XKR4: variants seen among roughly 807,000 people sequenced by gnomAD.
XKR4 encodes the protein XK-related protein 4.
In XKR4, 12 loss-of-function variants were observed where a neutral mutation model predicts 53.9. That is an observed-to-expected ratio of 0.22 (90% CI 0.14 to 0.36). XKR4 has a LOEUF of 0.36. Ranked by LOEUF, XKR4 falls within the 10% of genes least tolerant of loss-of-function variation. The probability of loss-of-function intolerance (pLI) is 1.00; values close to 1 mark genes in which losing one functional copy is unlikely to be tolerated. For synonymous variants in XKR4, 354 were observed against 362.4 expected (o/e 0.98, Z 0.26); for missense variants, 799 against 859.5 (o/e 0.93, Z 0.88).
chr8:55,378,583 A>G (rs2129387181), intron 2 of XKR4, among the ~76,000 whole-genome samples: 1 of 152,362 alleles, frequency 6.6e-6, no homozygotes, highest in East Asian at 1.9e-4. Flanking sequence ...AAGAAGTTTC[A>G]TAGACATTGG....
intron 2 of XKR4, among the ~76,000 whole-genome samples, chr8:55,425,949 G>A (rs947902230): frequency 6.6e-6 from 1 of 152,100 alleles, no homozygotes; most frequent in African/African-American, 2.4e-5. Flanking sequence ...AGTCTAGCAC[G>A]GGGGCTCTCA....
chr8:55,173,204 C>T (rs934599855), intron 1 of XKR4, among the ~76,000 whole-genome samples: 2 of 152,142 alleles, frequency 1.3e-5, no homozygotes, highest in Admixed American at 1.3e-4. Context: ...CTTGGCAGGC[C>T]CCCTTTCCAG....
At chr8:55,301,299 T>A (rs1169763139) in intron 1 of XKR4, among the ~76,000 whole-genome samples, 1 of 151,998 alleles carries the variant, frequency 6.6e-6, no homozygotes, top group Non-Finnish European at 1.5e-5. Flanking sequence ...TCCAGCTTCA[T>A]CCATGTCCCT....
At chr8:55,172,947 CCT>C (rs1293927992) in intron 1 of XKR4, among the ~76,000 whole-genome samples, 1 of 152,150 alleles carries the variant, frequency 6.6e-6, no homozygotes, top group Non-Finnish European at 1.5e-5. Context: ...GTTTTCTTTT[CCT>C]CTGACTGTAG....
In XKR4 at chr8:55,110,602, G is replaced by T. The variant is rs112100743; in HGVS notation, c.806+7308G>T. ...CCCCAGCTCTTTTTTTAGATTACTA[G>T]TGTTGGGAAAATAGGGGTAAATTTT... On this transcript the variant is annotated intron_variant, in intron 1 of 2. Transcript: ENST00000327381. 4.0e-3 allele frequency among the ~76,000 whole-genome samples: 610 copies of T among 152,262 alleles called. 3 individuals carry two copies. The highest frequency in any genetic ancestry group is 0.014 in the African/African-American group (592 of 41,540).
At chr8:55,227,785 G>A (rs1191107991) in intron 1 of XKR4, among the ~76,000 whole-genome samples, 2 of 152,236 alleles carry the variant, frequency 1.3e-5, no homozygotes, top group Non-Finnish European at 2.9e-5. Flanking sequence ...GACATTCAAT[G>A]CAGCCCAGGG....
intron 1 of XKR4, among the ~76,000 whole-genome samples, chr8:55,349,280 T>C (rs1803693259): frequency 6.6e-6 from 1 of 152,176 alleles, no homozygotes; most frequent in African/African-American, 2.4e-5. Context: ...CTATTGTCTC[T>C]CAGCAAAAAA....
chr8:55,404,147 C>T (rs547810593), intron 2 of XKR4, among the ~76,000 whole-genome samples: 3 of 152,052 alleles, frequency 2.0e-5, no homozygotes, highest in African/African-American at 7.2e-5. Flanking sequence ...ATTCAAAATA[C>T]GAACACTGTT....
intron 1 of XKR4, among the ~76,000 whole-genome samples, chr8:55,120,988 C>T (rs983848143): frequency 1.3e-5 from 2 of 152,146 alleles, no homozygotes; most frequent in Non-Finnish European, 2.9e-5. Context: ...TGCAGATTGT[C>T]TTCTTTCACT....
intron 2 of XKR4, among the ~76,000 whole-genome samples, chr8:55,469,797 A>C (rs887624430): frequency 1.2e-4 from 18 of 152,236 alleles, no homozygotes; most frequent in African/African-American, 3.6e-4. Flanking sequence ...TCTTGTACTA[A>C]AGATTTGAAT....
chr8:55,463,768 A>G (rs1687228487), intron 2 of XKR4, among the ~76,000 whole-genome samples: 2 of 152,098 alleles, frequency 1.3e-5, no homozygotes, highest in South Asian at 2.1e-4. Flanking sequence ...AATCAAATAG[A>G]CGCAATAAAA....
chr8:55,295,485 A>G (rs998504097), intron 1 of XKR4, among the ~76,000 whole-genome samples: 1 of 152,224 alleles, frequency 6.6e-6, no homozygotes, highest in East Asian at 1.9e-4. Context: ...ATGTGCTGGT[A>G]GCAGGGACAA....
intron 1 of XKR4, among the ~76,000 whole-genome samples, chr8:55,173,174 C>G (rs1452856459): frequency 1.3e-5 from 2 of 151,602 alleles, no homozygotes; most frequent in African/African-American, 4.9e-5. Flanking sequence ...TAGGCAGACA[C>G]ATTAGCACTT....
chr8:55,361,289 G>C (rs1803902643), intron 2 of XKR4, among the ~76,000 whole-genome samples: 1 of 152,106 alleles, frequency 6.6e-6, no homozygotes, highest in Non-Finnish European at 1.5e-5. Flanking sequence ...CGTTGAGAGG[G>C]GGAGAGGAGG....
chr8:55,112,295 G>T (rs1816242933), intron 1 of XKR4, among the ~76,000 whole-genome samples: 1 of 152,162 alleles, frequency 6.6e-6, no homozygotes, highest in African/African-American at 2.4e-5. Flanking sequence ...AGTGGGCATT[G>T]TGTGGGGTGA....
intron 1 of XKR4, among the ~76,000 whole-genome samples, chr8:55,145,492 C>T (rs1275591420): frequency 6.6e-6 from 1 of 151,980 alleles, no homozygotes; most frequent in East Asian, 1.9e-4. Context: ...CTGTAGTGCT[C>T]CTCCTCCCAG....
intron 1 of XKR4, among the ~76,000 whole-genome samples, chr8:55,104,264 T>C (rs1816106310): frequency 1.3e-5 from 1 of 79,342 alleles, no homozygotes; most frequent in Non-Finnish European, 2.7e-5. Context: ...TTCGAAGCAA[T>C]ATTTTACATC....
At chr8:55,468,394 G>GT (rs2129399598) in intron 2 of XKR4, among the ~76,000 whole-genome samples, 1 of 152,092 alleles carries the variant, frequency 6.6e-6, no homozygotes, top group South Asian at 2.1e-4. Context: ...TTTTTCTAGA[G>GT]TATTTAGTTT....
At chr8:55,428,933 T>C (rs1805057545) in intron 2 of XKR4, among the ~76,000 whole-genome samples, 1 of 152,176 alleles carries the variant, frequency 6.6e-6, no homozygotes, top group African/African-American at 2.4e-5. Flanking sequence ...TATTCTAACA[T>C]TTACATGGAA....
Sources: gnomAD v4.1 joint callset for allele counts (sites outside exome capture counted in the v4.1 genomes callset) on GRCh38, gnomAD v4.1.1 for gene constraint, MANE v1.5 for transcripts, NCBI Gene and HGNC (gene_info 2026-07-23, HGNC 2026-07-21) for gene names.